RAD18: variants seen among roughly 807,000 people sequenced by gnomAD.
The protein encoded by RAD18 is E3 ubiquitin-protein ligase RAD18.
Under a neutral mutation model 60.4 loss-of-function variants are expected in RAD18, and 47 were observed. That is an observed-to-expected ratio of 0.78 (90% CI 0.62 to 0.99). RAD18 has a LOEUF of 0.99. Ranked by LOEUF, RAD18 falls within the 50% of genes least tolerant of loss-of-function variation. RAD18 has a pLI of 0.00. For missense variants in RAD18, 640 were observed against 593.3 expected (o/e 1.08, Z -0.82); for synonymous variants, 225 against 195.5 (o/e 1.15, Z -1.26).
At chr3:8,951,693 A>C (rs1050785528) in intron 2 of RAD18, among the ~76,000 whole-genome samples, 1 of 152,250 alleles carries the variant, frequency 6.6e-6, no homozygotes, top group Non-Finnish European at 1.5e-5. Context: ...ATGCACGCTT[A>C]TGAATGCTTA....
chr3:8,922,162 AG>A (rs1488100661), intron 7 of RAD18, among the ~76,000 whole-genome samples: 2 of 152,208 alleles, frequency 1.3e-5, no homozygotes, highest in Non-Finnish European at 2.9e-5. Context: ...GGGAAGCACA[AG>A]GGGTCAGGGA....
Position 8,907,600 on chromosome 3 carries a change from G to A in RAD18, c.1027+4712C>T, listed in dbSNP as rs184135917. On this transcript the variant is annotated intron_variant, in intron 9 of 12. Transcript: ENST00000264926. Reference sequence around the variant, plus strand: ...AGCAACACAAGCGGCTGATGCAAGCGGTCAGGGATGCAAGCTGCTGAGCGT... The same window carrying A: ...AGCAACACAAGCGGCTGATGCAAGCAGTCAGGGATGCAAGCTGCTGAGCGT... Among the ~76,000 whole-genome samples the A allele has an allele frequency of 3.8e-3, 583 of 152,202 alleles. 4 individuals carry two copies. Among genetic ancestry groups the A allele is most frequent in the African/African-American group, 0.013 (558 of 41,508 alleles).
At chr3:8,959,079 C>A in intron 1 of RAD18, 78 bp from the exon 2 acceptor site, 1 of 1,119,346 alleles carries the variant, frequency 8.9e-7, no homozygotes, top group African/African-American at 1.6e-5. Context: ...TTTTCTCTAT[C>A]CCCTAAAAAA....
intron 7 of RAD18, among the ~76,000 whole-genome samples, chr3:8,919,398 C>T (rs1575546069): frequency 1.3e-5 from 2 of 152,164 alleles, no homozygotes; most frequent in East Asian, 1.9e-4. Context: ...GATGCCAATA[C>T]CTGAGACAAC....
intron 4 of RAD18, among the ~76,000 whole-genome samples, chr3:8,945,330 G>A (rs1940820979): frequency 6.6e-6 from 1 of 152,144 alleles, no homozygotes; most frequent in Non-Finnish European, 1.5e-5. Flanking sequence ...GTTCCAACAT[G>A]CTTTGTTCAA....
At chr3:8,934,311 T>C (rs1940614073) in intron 7 of RAD18, among the ~76,000 whole-genome samples, 1 of 152,138 alleles carries the variant, frequency 6.6e-6, no homozygotes, top group African/African-American at 2.4e-5. Flanking sequence ...AATGATGCCA[T>C]TAAGAGAGTG....
intron 4 of RAD18, among the ~76,000 whole-genome samples, 165 bp from the exon 5 acceptor site, chr3:8,941,969 A>T (rs1940755280): frequency 6.6e-6 from 1 of 152,244 alleles, no homozygotes; most frequent in African/African-American, 2.4e-5. Context: ...AAAGCAATAA[A>T]TCTAACGTAA....
intron 7 of RAD18, among the ~76,000 whole-genome samples, chr3:8,915,181 T>G (rs1476611619): frequency 6.7e-6 from 1 of 150,008 alleles, no homozygotes; most frequent in African/African-American, 2.4e-5. Context: ...TATATTAGGA[T>G]TGGGTAGAAT....
At chr3:8,949,839 C>A (rs1940901394) in intron 2 of RAD18, among the ~76,000 whole-genome samples, 1 of 152,100 alleles carries the variant, frequency 6.6e-6, no homozygotes, top group Admixed American at 6.5e-5. Flanking sequence ...GTCTGAGAGT[C>A]AAAAACTCCA....
At chr3:8,887,805 T>C (rs1939596295) in intron 12 of RAD18, among the ~76,000 whole-genome samples, 1 of 152,202 alleles carries the variant, frequency 6.6e-6, no homozygotes, top group Non-Finnish European at 1.5e-5. Context: ...TCATAATATA[T>C]AGCCTTTCTA....
At chr3:8,896,659 A>G (rs1325977071) in intron 11 of RAD18, among the ~76,000 whole-genome samples, 1 of 152,222 alleles carries the variant, frequency 6.6e-6, no homozygotes, top group Non-Finnish European at 1.5e-5. Flanking sequence ...GTGTATTCAT[A>G]TAATAAAAGC....
At chr3:8,885,814 G>A (rs1939551309) in intron 12 of RAD18, among the ~76,000 whole-genome samples, 1 of 152,212 alleles carries the variant, frequency 6.6e-6, no homozygotes, top group African/African-American at 2.4e-5. Context: ...TTCTGGGGTG[G>A]AGACTTAACA....
chr3:8,909,322 G>C (rs1940066248), intron 9 of RAD18, among the ~76,000 whole-genome samples: 1 of 152,130 alleles, frequency 6.6e-6, no homozygotes, highest in South Asian at 2.1e-4. Flanking sequence ...TGGCAGGAGG[G>C]CAGCAAGGCA....
rs900249570 is a variant in RAD18 at position 8,878,094 on chromosome 3, T to C, written c.*3263A>G. On this transcript the variant is annotated 3_prime_UTR_variant, in exon 13 of 13. Transcript: ENST00000264926. ...GACTTTCCAGCAGGGCCAGCCGCAG[T>C]GCACGTGACAGAGCAGCGGTGAGGA... is the stretch of plus-strand genomic sequence containing the variant. The C allele has an allele frequency of 5.3e-5, 8 of 152,268 alleles. No individual in the cohort carries two copies. The highest frequency in any genetic ancestry group is 1.9e-4 in the African/African-American group (8 of 41,414). 9.4% of individuals were successfully genotyped at this position (152,268 alleles called of 1,614,324 possible).
At chr3:8,905,211 C>A (rs1393956373) in intron 9 of RAD18, among the ~76,000 whole-genome samples, 2 of 152,186 alleles carry the variant, frequency 1.3e-5, no homozygotes, top group African/African-American at 4.8e-5. Context: ...GTGGGAGTGT[C>A]CATGACTAAG....
intron 9 of RAD18, among the ~76,000 whole-genome samples, chr3:8,908,571 G>A (rs1374318048): frequency 6.6e-6 from 1 of 152,112 alleles, no homozygotes; most frequent in Admixed American, 6.6e-5. Context: ...CTAGCCTCCA[G>A]AACCCTGCTG....
At chr3:8,923,629 G>A (rs1015165114) in intron 7 of RAD18, among the ~76,000 whole-genome samples, 2 of 152,208 alleles carry the variant, frequency 1.3e-5, no homozygotes, top group Admixed American at 6.5e-5. Context: ...CACCAAAGTT[G>A]AAATGAAGGA....
At chr3:8,947,699 T>C (rs1013191115) in intron 3 of RAD18, among the ~76,000 whole-genome samples, 10 of 152,234 alleles carry the variant, frequency 6.6e-5, no homozygotes, top group Non-Finnish European at 1.5e-5. Context: ...AAAGTAAGAT[T>C]GGTTTTCAGG....
rs1399461645 is a variant in RAD18 at position 8,880,907 on chromosome 3, C to T, written c.*450G>A. On this transcript the variant is annotated 3_prime_UTR_variant, in exon 13 of 13. Transcript: ENST00000264926. ...TACACACACCAAGGATGTGAACTGA[C>T]ATCCCGCCTTTCCAAAAACAAACAT... 8 of 164,014 alleles carry T rather than the reference C, an allele frequency of 4.9e-5. No homozygotes were observed. Among genetic ancestry groups the T allele is most frequent in the African/African-American group, 9.6e-5 (4 of 41,522 alleles). The allele number at this position is 164,014 out of a possible 1,614,324, so 10.2% of individuals were successfully genotyped here. A position where few individuals can be genotyped will look rare whatever the true frequency, so the allele number is the denominator to read the frequency against.
Sources: allele counts gnomAD v4.1 joint callset (sites outside exome capture counted in the v4.1 genomes callset), GRCh38; gene constraint gnomAD v4.1.1; transcripts MANE v1.5; gene names NCBI Gene and HGNC (gene_info 2026-07-23, HGNC 2026-07-21).